RALGAPA2: variants seen among roughly 807,000 people sequenced by gnomAD.
RALGAPA2 encodes Ral GTPase activating protein catalytic subunit alpha 2, also known as ral GTPase-activating protein subunit alpha-2.
In RALGAPA2, 139 loss-of-function variants were observed where a neutral mutation model predicts 230.4. The ratio of observed to expected loss-of-function variants is 0.60; its 90% confidence interval spans 0.53 to 0.69. RALGAPA2 has a LOEUF of 0.69. RALGAPA2 is among the 30% of genes least tolerant of loss of function. RALGAPA2 has a pLI of 0.00. For synonymous variants in RALGAPA2, 847 were observed against 837.8 expected, an observed-to-expected ratio of 1.01 and a Z score of -0.19; for missense variants, 2,163 against 2,276.0, an observed-to-expected ratio of 0.95 and a Z score of 1.01.
In RALGAPA2 at chr20:20,676,254, G is replaced by C; in HGVS notation, c.252C>G (p.Ser84=). Residue 84 remains serine, a synonymous_variant, in exon 3 of 40, where the codon TCC becomes TCG. Transcript: ENST00000202677. ...AACTTACTTCAAAAAGGAAGAGGAT[G>C]GAGTCCAGCTCCTCCCTTTGTGACT... is the stretch of plus-strand genomic sequence containing the variant. ...NNKSQREELD[S]ILFLFEKILQ... The C allele has an allele frequency of 6.4e-7, 1 of 1,560,086 alleles. No homozygotes were observed. The highest frequency in any genetic ancestry group is 1.4e-5 in the African/African-American group (1 of 73,742).
chr20:20,600,520 G>C (rs1211037909), intron 16 of RALGAPA2, among the ~76,000 whole-genome samples: 1 of 152,178 alleles, frequency 6.6e-6, no homozygotes, highest in Non-Finnish European at 1.5e-5. Context: ...AAAAGTATGA[G>C]AGAGTTACAG....
intron 11 of RALGAPA2, among the ~76,000 whole-genome samples, chr20:20,619,659 C>G (rs1351411910): frequency 6.6e-6 from 1 of 152,098 alleles, no homozygotes; most frequent in Non-Finnish European, 1.5e-5. Context: ...TTGTGTTTGT[C>G]CAATGACTGA....
intron 27 of RALGAPA2, among the ~76,000 whole-genome samples, chr20:20,528,652 C>A (rs1190100099): frequency 6.6e-6 from 1 of 152,134 alleles, no homozygotes; most frequent in Non-Finnish European, 1.5e-5. Flanking sequence ...CCCATGCCTG[C>A]CATCCATCTG....
intron 12 of RALGAPA2, among the ~76,000 whole-genome samples, chr20:20,618,268 T>C (rs1291200636): frequency 2.0e-5 from 3 of 152,168 alleles, no homozygotes; most frequent in African/African-American, 7.2e-5. Flanking sequence ...AGCTAAAAGA[T>C]GGAGCTACTG....
At chr20:20,704,455 A>T (rs1276269279) in intron 1 of RALGAPA2, among the ~76,000 whole-genome samples, 1 of 152,194 alleles carries the variant, frequency 6.6e-6, no homozygotes, top group Non-Finnish European at 1.5e-5. Flanking sequence ...AAGCTAGTTA[A>T]CATGTTACCA....
chr20:20,419,647 A>C (rs1273895508), intron 37 of RALGAPA2, among the ~76,000 whole-genome samples: 2 of 152,246 alleles, frequency 1.3e-5, no homozygotes, highest in African/African-American at 4.8e-5. Flanking sequence ...TATTTCTACA[A>C]AATTACTGTT....
At chr20:20,406,658 T>C (rs6046835) in intron 38 of RALGAPA2, among the ~76,000 whole-genome samples, 264 of 152,354 alleles carry the variant, frequency 1.7e-3, no homozygotes, top group African/African-American at 6.1e-3. Flanking sequence ...ACACCTGTAA[T>C]CCTAGTACTT....
chr20:20,500,659 T>C (rs1186401201), intron 35 of RALGAPA2, among the ~76,000 whole-genome samples: 2 of 152,230 alleles, frequency 1.3e-5, no homozygotes, highest in Admixed American at 6.5e-5. Context: ...CTCCTGTGAA[T>C]CTTGATATCT....
chr20:20,430,039 G>C (rs2060469697), intron 37 of RALGAPA2, among the ~76,000 whole-genome samples: 1 of 152,246 alleles, frequency 6.6e-6, no homozygotes, highest in African/African-American at 2.4e-5. Flanking sequence ...ACTCCTCTGA[G>C]TCCTGGCCCT....
At chr20:20,620,891 C>G (rs543201887) in intron 10 of RALGAPA2, among the ~76,000 whole-genome samples, 148 of 152,258 alleles carry the variant, frequency 9.7e-4, no homozygotes, top group Non-Finnish European at 1.8e-3. Context: ...GCCTGTAATC[C>G]TAACACTTTG....
chr20:20,709,178 G>C (rs2069737156), intron 1 of RALGAPA2, among the ~76,000 whole-genome samples: 1 of 152,086 alleles, frequency 6.6e-6, no homozygotes, highest in Non-Finnish European at 1.5e-5. Context: ...AATTAGCCAG[G>C]CATGGTGGTA....
chr20:20,411,839 C>T (rs924455579), intron 38 of RALGAPA2, among the ~76,000 whole-genome samples, 188 bp downstream of exon 38: 2 of 152,188 alleles, frequency 1.3e-5, no homozygotes, highest in African/African-American at 4.8e-5. Flanking sequence ...AAGAAAGGAA[C>T]TGAGTGAACA....
rs1042052357 is a variant in RALGAPA2, at chr20:20,709,009, C to T, written c.106+3366G>A. ...CCAGCCTGGGCAACATGGCAAAACC[C>T]CGTCTTCTACAAAAAATACAAAAAT... is the stretch of plus-strand genomic sequence containing the variant. On this transcript the variant is annotated intron_variant, in intron 1 of 39. Coordinates refer to ENST00000202677, the MANE Select transcript of RALGAPA2 (RefSeq NM_020343.4). 5.3e-5 allele frequency among the ~76,000 whole-genome samples: 8 copies of T among 151,842 alleles called. 1 individual carries two copies. Among genetic ancestry groups the T allele is most frequent in the Non-Finnish European group, 1.0e-4 (7 of 67,980 alleles).
chr20:20,604,452 G>A (rs1224310509), intron 15 of RALGAPA2, among the ~76,000 whole-genome samples: 1 of 152,156 alleles, frequency 6.6e-6, no homozygotes, highest in Non-Finnish European at 1.5e-5. Flanking sequence ...ATTTCTCCAC[G>A]TTTCCTAGAG....
At position 20,614,830 on chromosome 20, in the gene RALGAPA2, G is replaced by A. The variant is rs190682672; in HGVS notation, c.1688+1213C>T. Among the ~76,000 whole-genome samples the A allele has an allele frequency of 1.7e-3, 262 of 152,316 alleles. 1 individual carries two copies. Among genetic ancestry groups the A allele is most frequent in the African/African-American group, 6.1e-3 (252 of 41,572 alleles). ...CAAAGCCCCTTTCCTGCTGATTCAAGGGCCTCCAGAATACAGGCATAGGCA... is the reference window on the plus strand; with the variant it reads ...CAAAGCCCCTTTCCTGCTGATTCAAAGGCCTCCAGAATACAGGCATAGGCA... On this transcript the variant is annotated intron_variant, in intron 13 of 39. Coordinates refer to ENST00000202677, the MANE Select transcript of RALGAPA2 (RefSeq NM_020343.4).
At chr20:20,642,584 C>A (rs1035737078) in intron 5 of RALGAPA2, among the ~76,000 whole-genome samples, 2 of 152,090 alleles carry the variant, frequency 1.3e-5, no homozygotes, top group South Asian at 4.1e-4. Flanking sequence ...TACCACAAGT[C>A]TCCAATTGTT....
intron 1 of RALGAPA2, among the ~76,000 whole-genome samples, chr20:20,685,833 A>G (rs2068679378): frequency 6.6e-6 from 1 of 151,982 alleles, no homozygotes; most frequent in South Asian, 2.1e-4. Flanking sequence ...CCAGATGGGA[A>G]CCCGCCTTTG....
Position 20,635,592 on chromosome 20 carries a change from A to G in RALGAPA2, c.831T>C (p.Pro277=), listed in dbSNP as rs1049135824. The change falls in exon 9 of 40, where the codon CCT becomes CCC. Residue 277 remains proline, a synonymous_variant. Transcript: ENST00000202677. ...TGTCTCGAGTGGTAGTAATGTACAC[A>G]GGCTTTGGTCTCAAATGGGGGATGT... is the stretch of plus-strand genomic sequence containing the variant. ...VLDIPHLRPK[P]VYITTTRDNE... 1.1e-5 allele frequency: 17 copies of G among 1,568,210 alleles called. No homozygotes were observed. The African/African-American group carries it at 1.8e-4, about 17-fold the overall frequency.
rs757463027 is a variant in RALGAPA2 at position 20,535,819 on chromosome 20, T to A, written c.3415-16A>T. ...TGAGGTAATGCTAAAAACACAAAAT[T>A]AAGTAAAATAAAAACTTTGTGTCAT... On this transcript the variant is annotated splice_polypyrimidine_tract_variant and intron_variant, in intron 25 of 39. Coordinates refer to ENST00000202677, the MANE Select transcript of RALGAPA2 (RefSeq NM_020343.4). 11 of 1,541,938 alleles carry A rather than the reference T, an allele frequency of 7.1e-6. No individual in the cohort carries two copies.
Sources: gnomAD v4.1 joint callset for allele counts (sites outside exome capture counted in the v4.1 genomes callset) on GRCh38, gnomAD v4.1.1 for gene constraint, MANE v1.5 for transcripts, NCBI Gene and HGNC (gene_info 2026-07-23, HGNC 2026-07-21) for gene names.